Variants in ACOXL observed in about 807,000 individuals in gnomAD.
ACOXL encodes the protein acyl-coenzyme A oxidase-like protein.
In ACOXL, 70 loss-of-function variants were observed where a neutral mutation model predicts 71.9. That is an observed-to-expected ratio of 0.97 (90% CI 0.80 to 1.19). The LOEUF is 1.19. Ranked by LOEUF, ACOXL falls within the 50% of genes most tolerant of loss-of-function variation. ACOXL has a pLI of 0.00. For missense variants in ACOXL, 703 were observed against 736.3 expected, an observed-to-expected ratio of 0.95 and a Z score of 0.52; for synonymous variants, 253 against 281.6, an observed-to-expected ratio of 0.90 and a Z score of 1.02.
At chr2:110,934,405 C>T (rs1196599303) in intron 12 of ACOXL, among the ~76,000 whole-genome samples, 2 of 152,166 alleles carry the variant, frequency 1.3e-5, no homozygotes, top group African/African-American at 2.4e-5. Context: ...GACCACACCC[C>T]CAGAGGAGAA....
chr2:110,829,232 T>C (rs1187614787), intron 9 of ACOXL, among the ~76,000 whole-genome samples: 3 of 152,348 alleles, frequency 2.0e-5, no homozygotes, highest in East Asian at 1.9e-4. Context: ...TTTGTAGTTT[T>C]CTATCTGCTG....
At chr2:110,985,842 G>C (rs937279608) in intron 12 of ACOXL, among the ~76,000 whole-genome samples, 1 of 152,198 alleles carries the variant, frequency 6.6e-6, no homozygotes, top group Admixed American at 6.5e-5. Flanking sequence ...TGTTGGTTGA[G>C]ACGGTCCCAT....
At chr2:110,937,401 A>T (rs1183403063) in intron 12 of ACOXL, among the ~76,000 whole-genome samples, 1 of 152,154 alleles carries the variant, frequency 6.6e-6, no homozygotes, top group African/African-American at 2.4e-5. Flanking sequence ...GGAAATAAAA[A>T]ATGTTTTAGG....
intron 2 of ACOXL, among the ~76,000 whole-genome samples, chr2:110,772,698 G>A (rs1345255457): frequency 2.0e-5 from 3 of 152,176 alleles, no homozygotes; most frequent in East Asian, 3.8e-4. Context: ...GAGGGGCATA[G>A]TTGCACCATC....
intron 10 of ACOXL, among the ~76,000 whole-genome samples, chr2:110,895,427 G>A (rs1043834146): frequency 1.3e-5 from 2 of 152,100 alleles, no homozygotes; most frequent in East Asian, 1.9e-4. Flanking sequence ...GGAACTTGTG[G>A]AACTTTAACA....
intron 1 of ACOXL, among the ~76,000 whole-genome samples, chr2:110,738,901 C>T (rs935910697): frequency 1.3e-5 from 2 of 152,102 alleles, no homozygotes; most frequent in Admixed American, 6.5e-5. Context: ...TCCAACTCTT[C>T]TTGAGTTATT....
At chr2:110,831,045 A>G (rs928037278) in intron 9 of ACOXL, among the ~76,000 whole-genome samples, 2 of 152,212 alleles carry the variant, frequency 1.3e-5, no homozygotes, top group Non-Finnish European at 2.9e-5. Flanking sequence ...AAGATAAAAT[A>G]CTGAATACTT....
intron 3 of ACOXL, among the ~76,000 whole-genome samples, chr2:110,787,808 C>T (rs1042562799): frequency 6.6e-6 from 1 of 152,160 alleles, no homozygotes; most frequent in Non-Finnish European, 1.5e-5. Context: ...TCTTCATGTT[C>T]CAGCTAACGT....
chr2:111,015,186 A>T, intron 14 of ACOXL, among the ~76,000 whole-genome samples: 1 of 152,342 alleles, frequency 6.6e-6, no homozygotes, highest in South Asian at 2.1e-4. Context: ...AAGACAAACC[A>T]TAGCCTTGGA....
chr2:110,980,786 G>A (rs1275661663), intron 12 of ACOXL, among the ~76,000 whole-genome samples: 2 of 152,180 alleles, frequency 1.3e-5, no homozygotes, highest in Admixed American at 6.6e-5. Context: ...GCTTCTCCAT[G>A]CTGCTGCGTC....
At chr2:110,801,833 C>T (rs1269486565) in intron 8 of ACOXL, 109 bp downstream of exon 8, 15 of 866,220 alleles carry the variant, frequency 1.7e-5, no homozygotes, top group Non-Finnish European at 2.5e-5. Context: ...CATTCTTCCC[C>T]TAACCACCCG....
intron 11 of ACOXL, among the ~76,000 whole-genome samples, chr2:110,928,400 A>G (rs770681360): frequency 6.6e-6 from 1 of 152,222 alleles, no homozygotes; most frequent in Non-Finnish European, 1.5e-5. Context: ...TAAATGAATG[A>G]GTGTAATAAC....
At chr2:111,053,804 A>G (rs1207008451) in intron 16 of ACOXL, among the ~76,000 whole-genome samples, 1 of 152,182 alleles carries the variant, frequency 6.6e-6, no homozygotes, top group African/African-American at 2.4e-5. Context: ...CCTCCATGGG[A>G]CTAAAACTTC....
Position 111,117,872 on chromosome 2 carries a change from C to G in ACOXL, c.*56C>G, listed in dbSNP as rs2070469004. 6.6e-7 allele frequency: 1 copy of G among 1,516,372 alleles called. No individual in the cohort carries two copies. 93.9% of individuals were successfully genotyped at this position (1,516,372 alleles called of 1,614,324 possible). The stretch of plus-strand genomic sequence containing the variant: ...AGCAGCTGCCACGACGCTCGCTCCA[C>G]CGACGCCCAGAGCTGTGGCCGAGGC... On this transcript the variant is annotated 3_prime_UTR_variant, in exon 18 of 18. Transcript: ENST00000439055.
At chr2:111,022,391 G>A (rs1172158611) in intron 14 of ACOXL, among the ~76,000 whole-genome samples, 3 of 149,240 alleles carry the variant, frequency 2.0e-5, no homozygotes, top group Non-Finnish European at 3.0e-5. Flanking sequence ...AAAAATACAG[G>A]AAGACAGACA....
intron 16 of ACOXL, among the ~76,000 whole-genome samples, chr2:111,092,261 G>A (rs749102884): frequency 2.0e-5 from 3 of 152,234 alleles, no homozygotes; most frequent in Admixed American, 1.3e-4. Context: ...CGAGAGTTAC[G>A]TGAATAAACA....
intron 15 of ACOXL, among the ~76,000 whole-genome samples, chr2:111,034,239 T>C (rs1272088580): frequency 1.3e-5 from 2 of 152,258 alleles, no homozygotes; most frequent in East Asian, 1.9e-4. Context: ...GCTCCAAAGC[T>C]CTTGCCTTTG....
intron 12 of ACOXL, among the ~76,000 whole-genome samples, chr2:110,986,087 G>A (rs1027854909): frequency 4.6e-5 from 7 of 152,146 alleles, no homozygotes; most frequent in African/African-American, 1.7e-4. Flanking sequence ...AACAACCTAA[G>A]TATCCAACCA....
rs1253717181 is a variant in ACOXL, at chr2:111,022,288, C to G, written c.1282-9339C>G. Among the ~76,000 whole-genome samples, 102 of 152,130 alleles carry G rather than the reference C, an allele frequency of 6.7e-4. 1 individual carries two copies. Among genetic ancestry groups the G allele is most frequent in the Non-Finnish European group, 1.5e-5 (1 of 68,016 alleles). On this transcript the variant is annotated intron_variant, in intron 14 of 17. Coordinates refer to ENST00000439055, the MANE Select transcript of ACOXL (RefSeq NM_001142807.4). ...GCCAAGGCTGGAGAATCGCTTGAAA[C>G]CAGGAGGCAGTGGTTGTGGTGAGCC...
Sources: allele counts gnomAD v4.1 joint callset (sites outside exome capture counted in the v4.1 genomes callset), GRCh38; gene constraint gnomAD v4.1.1; transcripts MANE v1.5; gene names NCBI Gene and HGNC (gene_info 2026-07-23, HGNC 2026-07-21).